The following LINGO2 variants were observed in gnomAD, a reference collection of about 807,000 sequenced individuals.
LINGO2 encodes the protein leucine-rich repeat and immunoglobulin-like domain-containing nogo receptor-interacting protein 2.
In LINGO2, 14 loss-of-function variants were observed where a neutral mutation model predicts 30.6. The ratio of observed to expected loss-of-function variants is 0.46; its 90% confidence interval spans 0.30 to 0.72. The LOEUF (loss-of-function observed/expected upper bound fraction) is 0.72, where lower values mean the gene tolerates loss of function less well. Among genes scored for constraint, LINGO2 ranks in the 30% least tolerant of loss-of-function variants. The pLI is 0.07. For synonymous variants in LINGO2, 317 were observed against 288.5 expected, an observed-to-expected ratio of 1.10 and a Z score of -1.00; for missense variants, 729 against 751.7, an observed-to-expected ratio of 0.97 and a Z score of 0.35.
chr9:28,058,462 C>A lies in LINGO2; in HGVS notation c.-86-46057G>T, dbSNP rs899665058. 2.6e-5 allele frequency among the ~76,000 whole-genome samples: 4 copies of A among 152,046 alleles called. No individual in the cohort carries two copies. In the South Asian group the frequency reaches 6.2e-4, roughly 24 times the overall value. On this transcript the variant is annotated intron_variant, in intron 4 of 5. Coordinates refer to ENST00000379992, the Ensembl canonical transcript of LINGO2. ...AGGTATAAAAATGACATAACTCATT[C>A]TTTCTTTTTCCGCAGCACATGCTTA... is the stretch of plus-strand genomic sequence containing the variant.
the LINGO2 span, among the ~76,000 whole-genome samples, chr9:28,863,219 C>G: frequency 6.6e-6 from 1 of 152,002 alleles, no homozygotes; most frequent in African/African-American, 2.4e-5. Context: ...ATTTACCAAA[C>G]TATTTAATTA....
At chr9:28,058,808 A>T (rs1024370360) in intron 4 of LINGO2, among the ~76,000 whole-genome samples, 2 of 152,174 alleles carry the variant, frequency 1.3e-5, no homozygotes, top group African/African-American at 4.8e-5. Flanking sequence ...TAGTATAAAG[A>T]CATTGCAATT....
intron 1 of LINGO2, among the ~76,000 whole-genome samples, chr9:28,620,182 A>G (rs1473846032): frequency 6.6e-6 from 1 of 152,062 alleles, no homozygotes; most frequent in African/African-American, 2.4e-5. Context: ...AATACTCTGC[A>G]TTGTTTTCTT....
chr9:28,241,093 AC>A (rs567220569), intron 4 of LINGO2, among the ~76,000 whole-genome samples: 46 of 151,810 alleles, frequency 3.0e-4, no homozygotes, highest in Non-Finnish European at 4.4e-4. Flanking sequence ...ACATGGTGAA[AC>A]CCCGTCTCTA....
chr9:28,465,491 T>C (rs980341343), intron 2 of LINGO2, among the ~76,000 whole-genome samples: 1 of 152,104 alleles, frequency 6.6e-6, no homozygotes, highest in Non-Finnish European at 1.5e-5. Context: ...AAAGGCAACA[T>C]TTGGTTGGGA....
chr9:27,972,147 AAG>A (rs1171459834), intron 5 of LINGO2, among the ~76,000 whole-genome samples: 1 of 152,198 alleles, frequency 6.6e-6, no homozygotes, highest in Non-Finnish European at 1.5e-5. Flanking sequence ...ACTTAGGTAA[AAG>A]AAAGAGGAGG....
chr9:28,410,841 C>A (rs1277835095), intron 2 of LINGO2, among the ~76,000 whole-genome samples: 1 of 151,978 alleles, frequency 6.6e-6, no homozygotes, highest in South Asian at 2.1e-4. Context: ...AATCGTCAGG[C>A]AAAAATTTCA....
intron 1 of LINGO2, among the ~76,000 whole-genome samples, chr9:28,535,554 T>C (rs1465242355): frequency 6.6e-6 from 1 of 152,060 alleles, no homozygotes; most frequent in East Asian, 1.9e-4. Flanking sequence ...TTTATACACA[T>C]ATATAGAAAA....
chr9:28,900,485 A>G, the LINGO2 span, among the ~76,000 whole-genome samples: 3 of 152,114 alleles, frequency 2.0e-5, no homozygotes, highest in Non-Finnish European at 4.4e-5. Flanking sequence ...CAGACACACC[A>G]TTACAGACCC....
chr9:28,261,341 C>T (rs1822557420), intron 4 of LINGO2, among the ~76,000 whole-genome samples: 1 of 151,886 alleles, frequency 6.6e-6, no homozygotes, highest in African/African-American at 2.4e-5. Context: ...TGCTTAAATT[C>T]AGCCAGGAAT....
At chr9:28,934,516 A>G in the LINGO2 span, among the ~76,000 whole-genome samples, 1 of 152,156 alleles carries the variant, frequency 6.6e-6, no homozygotes, top group Non-Finnish European at 1.5e-5. Context: ...TTTCATGCTG[A>G]GTATGATAAA....
At chr9:29,206,731 T>A in the LINGO2 span, among the ~76,000 whole-genome samples, 1 of 152,168 alleles carries the variant, frequency 6.6e-6, no homozygotes, top group African/African-American at 2.4e-5. Flanking sequence ...TTATCACCGA[T>A]TTTTGTCTTC....
the LINGO2 span, among the ~76,000 whole-genome samples, chr9:28,766,994 A>G: frequency 0.017 from 2,524 of 152,188 alleles, 81 homozygotes; most frequent in African/African-American, 0.058. Context: ...TGTGTTACAG[A>G]AAAGTACTGC....
the LINGO2 span, among the ~76,000 whole-genome samples, chr9:28,847,236 G>A: frequency 6.7e-6 from 1 of 148,312 alleles, no homozygotes; most frequent in Admixed American, 6.7e-5. Context: ...TACAGGCCTT[G>A]GTAGGCTAAT....
At chr9:28,277,848 A>C (rs1564091108) in intron 4 of LINGO2, among the ~76,000 whole-genome samples, 2 of 146,358 alleles carry the variant, frequency 1.4e-5, no homozygotes, top group South Asian at 2.2e-4. Flanking sequence ...AAAAAAAAAA[A>C]ACAAAAAAAA....
At chr9:29,030,242 T>C in the LINGO2 span, among the ~76,000 whole-genome samples, 1 of 151,864 alleles carries the variant, frequency 6.6e-6, no homozygotes, top group Non-Finnish European at 1.5e-5. Flanking sequence ...CAGAAAAAAT[T>C]TCTGAATGTT....
chr9:28,884,690 T>G, the LINGO2 span, among the ~76,000 whole-genome samples: 1 of 39,524 alleles, frequency 2.5e-5, no homozygotes, highest in Non-Finnish European at 6.2e-5. Context: ...ATATAGTGTA[T>G]GTATGTGTAT....
the LINGO2 span, among the ~76,000 whole-genome samples, chr9:29,096,265 G>A: frequency 7.2e-6 from 1 of 138,766 alleles, no homozygotes; most frequent in Non-Finnish European, 1.6e-5. Flanking sequence ...GAATTAGATG[G>A]TGTCTACATT....
the LINGO2 span, among the ~76,000 whole-genome samples, chr9:28,987,348 G>A: frequency 6.6e-6 from 1 of 151,776 alleles, no homozygotes; most frequent in Non-Finnish European, 1.5e-5. Flanking sequence ...ATTCATAGTA[G>A]TCTCTTAAAA....
Sources: gnomAD v4.1 joint callset for allele counts (sites outside exome capture counted in the v4.1 genomes callset) on GRCh38, gnomAD v4.1.1 for gene constraint, MANE v1.5 for transcripts, NCBI Gene and HGNC (gene_info 2026-07-23, HGNC 2026-07-21) for gene names.